Variants in PECAM1 observed in about 807,000 individuals in gnomAD.
PECAM1 encodes platelet endothelial cell adhesion molecule.
PECAM1 carries 8 observed loss-of-function variants against 13.8 expected under a neutral mutation model. The ratio of observed to expected loss-of-function variants is 0.58; its 90% confidence interval spans 0.34 to 1.05. The LOEUF is 1.05. Among genes scored for constraint, PECAM1 ranks in the 50% least tolerant of loss-of-function variants. The pLI is 0.03. For synonymous variants in PECAM1, 136 were observed against 52.6 expected, an observed-to-expected ratio of 2.58 and a Z score of -6.86; for missense variants, 304 against 141.2, an observed-to-expected ratio of 2.15 and a Z score of -5.84.
At chr17:64,353,432 CT>C (rs1294211489) in intron 10 of PECAM1, 58 bp downstream of exon 10, 1 of 445,416 alleles carries the variant, frequency 2.2e-6, no homozygotes, top group Non-Finnish European at 4.1e-6. Context: ...CAGAATCTCC[CT>C]CCAGACATGT....
chr17:64,340,317 T>C (rs2035393557), intron 14 of PECAM1, among the ~76,000 whole-genome samples: 1 of 152,156 alleles, frequency 6.6e-6, no homozygotes, highest in Admixed American at 6.6e-5. Context: ...GGAGTCATCC[T>C]TTTATATTTA....
Position 64,369,721 on chromosome 17 carries a change from C to A in PECAM1, c.967+29G>T, listed in dbSNP as rs1169018983. The A allele has an allele frequency of 1.5e-5, 6 of 398,498 alleles. No homozygotes were observed. In the East Asian group the frequency reaches 1.8e-4, roughly 12 times the overall value. 24.7% of individuals were successfully genotyped at this position (398,498 alleles called of 1,614,324 possible). A position where few individuals can be genotyped will look rare whatever the true frequency, so the allele number is the denominator to read the frequency against. On this transcript the variant is annotated intron_variant, in intron 5 of 15. Coordinates refer to ENST00000563924, the MANE Select transcript of PECAM1 (RefSeq NM_000442.5). ...GGTGGCCTCTTGAGCCCGCCATATGCCAACACCCTCCCGCAGCAGCAGCCC... is the reference window on the plus strand; with the variant it reads ...GGTGGCCTCTTGAGCCCGCCATATGACAACACCCTCCCGCAGCAGCAGCCC...
intron 4 of PECAM1, among the ~76,000 whole-genome samples, chr17:64,370,567 C>A (rs2036217113): frequency 3.3e-5 from 5 of 152,172 alleles, no homozygotes; most frequent in Non-Finnish European, 1.5e-5. Flanking sequence ...ATGACTCATG[C>A]AGTTTGAAAA....
At chr17:64,377,461 A>G (rs2036384745) in intron 3 of PECAM1, 1 of 155,416 alleles carries the variant, frequency 6.4e-6, no homozygotes, top group African/African-American at 2.4e-5. Flanking sequence ...AAAATACAAA[A>G]TTAGCCAGGT....
chr17:64,372,028 C>T (rs1413644592), intron 4 of PECAM1, among the ~76,000 whole-genome samples: 2 of 152,040 alleles, frequency 1.3e-5, no homozygotes. Flanking sequence ...CTCAACCTCA[C>T]TAAAAACTAA....
At chr17:64,360,042 G>A (rs1476734738) in intron 7 of PECAM1, 98 bp downstream of exon 7, 2 of 474,140 alleles carry the variant, frequency 4.2e-6, no homozygotes, top group Non-Finnish European at 3.9e-6. Flanking sequence ...ATGAGCCACC[G>A]CACCTGGCCC....
chr17:64,346,731 T>C (rs957472032), intron 13 of PECAM1, among the ~76,000 whole-genome samples: 1 of 152,136 alleles, frequency 6.6e-6, no homozygotes, highest in African/African-American at 2.4e-5. Flanking sequence ...TTCCCCAGCA[T>C]AGAACCAGAG....
chr17:64,354,377 C>T (rs2035802367), intron 9 of PECAM1, among the ~76,000 whole-genome samples: 1 of 152,150 alleles, frequency 6.6e-6, no homozygotes, highest in African/African-American at 2.4e-5. Context: ...CTGACAAAAA[C>T]CAGGGCCCCT....
rs2036001595 is a variant in PECAM1, at chr17:64,362,344, A to T, written c.1216+805T>A. 4.6e-5 allele frequency among the ~76,000 whole-genome samples: 7 copies of T among 152,216 alleles called. No individual in the cohort carries two copies. In the South Asian group the frequency reaches 1.2e-3, roughly 27 times the overall value. ...TTTGGGTTAGCCAGGATACAGATTTAAAAAATGGAATTTTGATATTCTTGG... is the reference window on the plus strand; with the variant it reads ...TTTGGGTTAGCCAGGATACAGATTTTAAAAATGGAATTTTGATATTCTTGG... On this transcript the variant is annotated intron_variant, in intron 6 of 15. Transcript: ENST00000563924.
chr17:64,332,569 C>A (rs2035154759), intron 14 of PECAM1, among the ~76,000 whole-genome samples: 1 of 152,226 alleles, frequency 6.6e-6, no homozygotes, highest in Non-Finnish European at 1.5e-5. Flanking sequence ...ATCTTGCACG[C>A]TGAAGTAGGA....
intron 14 of PECAM1, among the ~76,000 whole-genome samples, chr17:64,332,744 C>T (rs979220962): frequency 3.3e-5 from 5 of 152,214 alleles, no homozygotes; most frequent in African/African-American, 9.7e-5. Context: ...TTTCCTGTCA[C>T]GGCTACTCTC....
At chr17:64,332,939 G>T (rs1555647068) in intron 14 of PECAM1, among the ~76,000 whole-genome samples, 1 of 149,214 alleles carries the variant, frequency 6.7e-6, no homozygotes, top group East Asian at 2.0e-4. Context: ...GATCACTTGT[G>T]GCCAGGAGTT....
chr17:64,324,508 G>A (rs1045128548), intron 15 of PECAM1, among the ~76,000 whole-genome samples: 3 of 152,142 alleles, frequency 2.0e-5, no homozygotes, highest in East Asian at 1.9e-4. Flanking sequence ...CCAGCACAGC[G>A]TCCCAAGGGT....
At chr17:64,341,780 G>A in intron 13 of PECAM1, 90 bp from the exon 14 acceptor site, 1 of 408,640 alleles carries the variant, frequency 2.4e-6, no homozygotes, top group Non-Finnish European at 4.4e-6. Flanking sequence ...AGGCTCTGCA[G>A]GCAAGGCTGT....
intron 2 of PECAM1, chr17:64,378,828 G>C (rs1458189149): frequency 6.6e-6 from 1 of 152,068 alleles, no homozygotes; most frequent in African/African-American, 2.4e-5. Context: ...ATCTCATTAG[G>C]TCTTTGCAGG....
intron 14 of PECAM1, among the ~76,000 whole-genome samples, chr17:64,332,834 G>T (rs942086277): frequency 1.3e-5 from 2 of 152,220 alleles, no homozygotes; most frequent in Admixed American, 1.3e-4. Flanking sequence ...AAACACCCTG[G>T]AAGTCTGAAT....
intron 15 of PECAM1, among the ~76,000 whole-genome samples, chr17:64,326,641 T>C (rs2034966881): frequency 6.6e-6 from 1 of 152,118 alleles, no homozygotes; most frequent in Non-Finnish European, 1.5e-5. Flanking sequence ...CCGCTCTCTC[T>C]CTGTGGGGGC....
intron 14 of PECAM1, among the ~76,000 whole-genome samples, chr17:64,333,468 A>AG (rs1253057581): frequency 1.3e-5 from 2 of 151,790 alleles, no homozygotes; most frequent in Non-Finnish European, 2.9e-5. Context: ...TGTGGTGGGG[A>AG]GGGGGCTGTC....
At chr17:64,334,800 C>T (rs1015989240) in intron 14 of PECAM1, among the ~76,000 whole-genome samples, 3 of 152,152 alleles carry the variant, frequency 2.0e-5, no homozygotes, top group Admixed American at 6.5e-5. Flanking sequence ...AGCCACTGCG[C>T]ACGGCCCTGG....
Sources: gnomAD v4.1 joint callset for allele counts (sites outside exome capture counted in the v4.1 genomes callset) on GRCh38, gnomAD v4.1.1 for gene constraint, MANE v1.5 for transcripts, NCBI Gene and HGNC (gene_info 2026-07-23, HGNC 2026-07-21) for gene names.